DIAPH2: variants seen among roughly 807,000 people sequenced by gnomAD.
The protein encoded by DIAPH2 is diaphanous related formin 2, also known as protein diaphanous homolog 2.
A neutral mutation model predicts 92.7 loss-of-function variants in DIAPH2; 35 were observed. That is an observed-to-expected ratio of 0.38 (90% CI 0.29 to 0.50). The LOEUF (loss-of-function observed/expected upper bound fraction) is 0.50. Ranked by LOEUF, DIAPH2 falls within the 20% of genes least tolerant of loss-of-function variation. DIAPH2 has a pLI of 0.94. For missense variants in DIAPH2, 701 were observed against 819.5 expected, an observed-to-expected ratio of 0.86 and a Z score of 1.77; for synonymous variants, 301 against 280.4, an observed-to-expected ratio of 1.07 and a Z score of -0.73.
At chrX:97,199,947 A>G (rs1229848196) in intron 22 of DIAPH2, among the ~76,000 whole-genome samples, 1 of 110,871 alleles carries the variant, frequency 9.0e-6, no homozygotes, top group Admixed American at 9.6e-5. Flanking sequence ...AAGATGGCCA[A>G]ATAGAAACAG....
At chrX:97,123,080 T>TAGACCTCTGAAATAACTAAGCC (rs1450052623) in intron 21 of DIAPH2, among the ~76,000 whole-genome samples, 48 of 112,166 alleles carry the variant, frequency 4.3e-4, no homozygotes, top group African/African-American at 1.4e-3. Context: ...CGCTATAGTT[T>TAGACCTCTGAAATAACTAAGCC]AGACCTCTGA....
intron 26 of DIAPH2, among the ~76,000 whole-genome samples, chrX:97,527,528 A>G (rs1036592196): frequency 8.9e-6 from 1 of 112,244 alleles, no homozygotes; most frequent in Admixed American, 9.5e-5. Context: ...TTTAGATGTC[A>G]GTTGTTTGGA....
At chrX:97,250,459 C>T (rs2068179818) in intron 23 of DIAPH2, among the ~76,000 whole-genome samples, 1 of 111,619 alleles carries the variant, frequency 9.0e-6, no homozygotes. Flanking sequence ...TCCTGGAGCA[C>T]CCTATATTTA....
At chrX:97,445,607 T>G (rs1045037529) in intron 26 of DIAPH2, among the ~76,000 whole-genome samples, 25 of 93,454 alleles carry the variant, frequency 2.7e-4, no homozygotes, top group East Asian at 6.2e-4. Context: ...TTTTTTGTTG[T>G]TTTTTTTTTT....
Position 96,733,742 on chromosome X carries a change from C to T in DIAPH2, c.133-2016C>T, listed in dbSNP as rs751224676. On this transcript the variant is annotated intron_variant, in intron 1 of 26. Transcript: ENST00000324765. ...AAATTTAGTTAAGAGCTGATGGTGG[C>T]TTGAACCACATCTTTGCAAATGGCA... Among the ~76,000 whole-genome samples the T allele has an allele frequency of 4.5e-4, 50 of 111,526 alleles. 1 individual carries two copies. The highest frequency in any genetic ancestry group is 1.6e-3 in the African/African-American group (48 of 30,659).
chrX:96,957,780 T>C (rs995821506), intron 15 of DIAPH2, 48 bp from the exon 16 acceptor site: 1 of 925,926 alleles, frequency 1.1e-6, no homozygotes, highest in African/African-American at 2.0e-5. Flanking sequence ...CTTCAGTTTT[T>C]TCAATTATAT....
chrX:97,343,364 A>G (rs771492643), intron 23 of DIAPH2, among the ~76,000 whole-genome samples: 127 of 111,807 alleles, frequency 1.1e-3, no homozygotes, highest in Middle Eastern at 4.7e-3. Flanking sequence ...CTACTCTAAC[A>G]TTTTATAGAA....
chrX:97,074,469 T>G (rs2066691860), intron 18 of DIAPH2, among the ~76,000 whole-genome samples: 1 of 112,695 alleles, frequency 8.9e-6, no homozygotes, highest in South Asian at 3.7e-4. Flanking sequence ...TCTGTGTTCT[T>G]TAAAAAATAT....
chrX:97,538,011 A>G (rs1355660944), intron 26 of DIAPH2, among the ~76,000 whole-genome samples: 1 of 105,339 alleles, frequency 9.5e-6, no homozygotes, highest in Non-Finnish European at 1.9e-5. Flanking sequence ...CAGCCTCCCC[A>G]GTAGCTGGGA....
At position 96,918,527 on chromosome X, in the gene DIAPH2, G is replaced by T. The variant is rs749938636; in HGVS notation, c.888G>T (p.Gly296=). The change falls in exon 9 of 27, where the codon GGG becomes GGT. Residue 296 remains glycine, a synonymous_variant. Transcript: ENST00000324765. ...TCTACAGTCTAGATAAACTTTTAGG[G>T]GCTATAACAACAGCAGCAGAAAGAA... The part of the protein sequence containing the change: ...GEENILDKLL[G]AITTAAERNN... 3 of 1,200,104 alleles carry T rather than the reference G, an allele frequency of 2.5e-6. No individual in the cohort carries two copies. In the South Asian group the frequency reaches 5.4e-5, roughly 22 times the overall value.
chrX:97,011,821 G>A (rs747042397), intron 17 of DIAPH2, among the ~76,000 whole-genome samples: 21 of 103,700 alleles, frequency 2.0e-4, no homozygotes, highest in Non-Finnish European at 2.9e-4. Context: ...GACCCTGGGA[G>A]GTGGAGGTTG....
chrX:97,291,991 G>C lies in DIAPH2; in HGVS notation c.2844+44152G>C, dbSNP rs900320243. ...CTAGTGATTGATGTATACAGGATTT[G>C]AATCAGCCCTTCTGACATTTACACT... On this transcript the variant is annotated intron_variant, in intron 23 of 26. Coordinates refer to ENST00000324765, the MANE Select transcript of DIAPH2 (RefSeq NM_006729.5). Among the ~76,000 whole-genome samples the C allele has an allele frequency of 2.7e-5, 3 of 111,065 alleles. No homozygotes were observed. In the Admixed American group the frequency reaches 2.9e-4, roughly 11 times the overall value.
chrX:96,763,495 A>T (rs2064281893), intron 4 of DIAPH2, among the ~76,000 whole-genome samples: 1 of 111,411 alleles, frequency 9.0e-6, no homozygotes, highest in Non-Finnish European at 1.9e-5. Context: ...AAAATATGTC[A>T]CTTTGATTTC....
At chrX:97,214,483 A>C (rs2067866427) in intron 22 of DIAPH2, among the ~76,000 whole-genome samples, 1 of 110,220 alleles carries the variant, frequency 9.1e-6, no homozygotes, top group African/African-American at 3.3e-5. Flanking sequence ...AGAAAAAAAA[A>C]AAAGTTGTAA....
intron 4 of DIAPH2, among the ~76,000 whole-genome samples, chrX:96,861,120 A>G (rs2065069916): frequency 9.0e-6 from 1 of 111,474 alleles, no homozygotes; most frequent in Non-Finnish European, 1.9e-5. Context: ...ATGCTTGAAA[A>G]CTGAAAAGGA....
chrX:97,534,108 A>AG (rs1556203158), intron 26 of DIAPH2, among the ~76,000 whole-genome samples: 1 of 109,189 alleles, frequency 9.2e-6, no homozygotes, highest in Admixed American at 9.9e-5. Context: ...TGCTTAAAAA[A>AG]AAAGCATTTT....
At chrX:97,291,548 T>C (rs2068590875) in intron 23 of DIAPH2, among the ~76,000 whole-genome samples, 1 of 110,641 alleles carries the variant, frequency 9.0e-6, no homozygotes, top group Admixed American at 9.7e-5. Flanking sequence ...ACTTTTTTTT[T>C]TTTGAGACAG....
rs2065506916 is a variant in DIAPH2 at position 96,916,643 on chromosome X, T to C, written c.869+69T>C. On this transcript the variant is annotated intron_variant, in intron 8 of 26. Coordinates refer to ENST00000324765, the MANE Select transcript of DIAPH2 (RefSeq NM_006729.5). The stretch of plus-strand genomic sequence containing the variant: ...ACTTAAGAAATTAATAAGTCCTACT[T>C]TTGTTCTCTTTCTTTGGATAACTTT... The C allele has an allele frequency of 3.0e-5, 31 of 1,018,206 alleles. No homozygotes were observed. In the South Asian group the frequency reaches 5.7e-4, roughly 19 times the overall value. The allele number at this position is 1,018,206 out of a possible 1,213,427, so 83.9% of individuals were successfully genotyped here.
chrX:97,369,935 TTAGAG>T (rs1289177668), intron 24 of DIAPH2, among the ~76,000 whole-genome samples: 1 of 111,489 alleles, frequency 9.0e-6, no homozygotes, highest in African/African-American at 3.3e-5. Context: ...GAACTAGACT[TTAGAG>T]TACGATTTTA....
Sources: allele counts gnomAD v4.1 joint callset (sites outside exome capture counted in the v4.1 genomes callset), GRCh38; gene constraint gnomAD v4.1.1; transcripts MANE v1.5; gene names NCBI Gene and HGNC (gene_info 2026-07-23, HGNC 2026-07-21).